FOXN3: variants seen among roughly 807,000 people sequenced by gnomAD.
FOXN3 encodes the protein forkhead box N3.
A neutral mutation model predicts 38.4 loss-of-function variants in FOXN3; 7 were observed. That is an observed-to-expected ratio of 0.18 (90% CI 0.10 to 0.34). The LOEUF is 0.34. Among genes scored for constraint, FOXN3 ranks in the 10% least tolerant of loss-of-function variants. FOXN3 has a pLI of 1.00. For synonymous variants in FOXN3, 230 were observed against 242.2 expected, an observed-to-expected ratio of 0.95 and a Z score of 0.47; for missense variants, 456 against 613.4, an observed-to-expected ratio of 0.74 and a Z score of 2.71.
At chr14:89,286,912 C>G (rs1275028255) in intron 3 of FOXN3, among the ~76,000 whole-genome samples, 1 of 152,122 alleles carries the variant, frequency 6.6e-6, no homozygotes, top group Non-Finnish European at 1.5e-5. Flanking sequence ...TCCAAAGAAG[C>G]TTGAGTGTCC....
chr14:89,275,458 G>A (rs1596147111), intron 4 of FOXN3, among the ~76,000 whole-genome samples: 1 of 152,178 alleles, frequency 6.6e-6, no homozygotes, highest in East Asian at 1.9e-4. Context: ...GAAGCGCTAG[G>A]TATGCCACGT....
At chr14:89,416,093 T>C (rs1156719648) in intron 1 of FOXN3, among the ~76,000 whole-genome samples, 2 of 152,186 alleles carry the variant, frequency 1.3e-5, no homozygotes, top group Non-Finnish European at 2.9e-5. Flanking sequence ...AGTAGCGAGT[T>C]TGGGGGGCCG....
At chr14:89,496,331 C>G (rs1441585858) in intron 1 of FOXN3, among the ~76,000 whole-genome samples, 1 of 151,788 alleles carries the variant, frequency 6.6e-6, no homozygotes, top group Non-Finnish European at 1.5e-5. Context: ...AAATCCTCCT[C>G]TTTGACCTCA....
At chr14:89,579,818 T>C (rs995502376) in intron 1 of FOXN3, among the ~76,000 whole-genome samples, 3 of 152,230 alleles carry the variant, frequency 2.0e-5, no homozygotes, top group Non-Finnish European at 2.9e-5. Context: ...GTATCTTGTA[T>C]ATTTACTTGT....
At chr14:89,328,632 G>C (rs2139982962) in intron 3 of FOXN3, among the ~76,000 whole-genome samples, 1 of 152,328 alleles carries the variant, frequency 6.6e-6, no homozygotes, top group South Asian at 2.1e-4. Context: ...TAGGAGAAGA[G>C]ACATTCCCAC....
intron 3 of FOXN3, among the ~76,000 whole-genome samples, chr14:89,314,925 A>T (rs1173111598): frequency 6.6e-6 from 1 of 152,302 alleles, no homozygotes; most frequent in East Asian, 1.9e-4. Context: ...AACTCAGCCT[A>T]AAAGAATGGA....
At chr14:89,517,516 G>C (rs1050793303) in intron 1 of FOXN3, among the ~76,000 whole-genome samples, 1 of 152,154 alleles carries the variant, frequency 6.6e-6, no homozygotes, top group African/African-American at 2.4e-5. Flanking sequence ...GAGGAAGAAA[G>C]GGAGGGAAGG....
At chr14:89,489,524 A>T (rs1020780963) in intron 1 of FOXN3, among the ~76,000 whole-genome samples, 1 of 152,190 alleles carries the variant, frequency 6.6e-6, no homozygotes, top group Non-Finnish European at 1.5e-5. Context: ...ACTTGTAATT[A>T]AAAAATTTTT....
Position 89,412,438 on chromosome 14 carries a change from G to A in FOXN3, c.39C>T (p.Ser13=). The change falls in exon 2 of 6, where the codon AGC becomes AGT. Residue 13 remains serine, a synonymous_variant. Coordinates refer to ENST00000557258, the MANE Select transcript of FOXN3 (RefSeq NM_005197.4). The surrounding 1 kb of genome is among the most constrained non-coding windows in gnomAD (Gnocchi z 4.7). The part of the protein sequence containing the change: ...PVMPPSKKPE[S]SGISVSSGLS... ...GTCCACTGGAGACACTAATTCCTGA[G>A]CTTTCTGGCTTCTTACTGGGAGGCA... 6.2e-7 allele frequency: 1 copy of A among 1,610,744 alleles called. No individual in the cohort carries two copies. The highest frequency in any genetic ancestry group is 1.1e-5 in the South Asian group (1 of 91,024).
chr14:89,438,558 T>C (rs1566656538), intron 1 of FOXN3, among the ~76,000 whole-genome samples: 1 of 152,194 alleles, frequency 6.6e-6, no homozygotes, highest in Non-Finnish European at 1.5e-5. Context: ...ATCATTGTCA[T>C]ATGAAGAAAT....
chr14:89,265,641 A>G (rs1296911853), intron 4 of FOXN3, among the ~76,000 whole-genome samples: 1 of 152,230 alleles, frequency 6.6e-6, no homozygotes, highest in Non-Finnish European at 1.5e-5. Flanking sequence ...TGTCCATTAT[A>G]GCAGCACGTC....
chr14:89,249,576 G>C (rs893859707), intron 4 of FOXN3, among the ~76,000 whole-genome samples: 7 of 152,194 alleles, frequency 4.6e-5, no homozygotes, highest in Non-Finnish European at 1.0e-4. Context: ...CAGCCATCCT[G>C]CAAGTGGGAT....
intron 5 of FOXN3, among the ~76,000 whole-genome samples, chr14:89,174,549 T>C (rs1000460578): frequency 1.3e-5 from 2 of 152,176 alleles, no homozygotes; most frequent in Admixed American, 6.5e-5. Flanking sequence ...TCCAGAATCA[T>C]TGGGAGTTTG....
intron 4 of FOXN3, among the ~76,000 whole-genome samples, chr14:89,192,082 A>C (rs891181355): frequency 3.4e-5 from 5 of 146,878 alleles, no homozygotes; most frequent in African/African-American, 1.2e-4. Context: ...GCTATTATAT[A>C]TAATAGTATA....
At chr14:89,337,955 C>T (rs943210712) in intron 3 of FOXN3, among the ~76,000 whole-genome samples, 1 of 152,068 alleles carries the variant, frequency 6.6e-6, no homozygotes, top group Non-Finnish European at 1.5e-5. Flanking sequence ...ACAGCAGCTG[C>T]AAAAAAGTTT....
intron 4 of FOXN3, among the ~76,000 whole-genome samples, chr14:89,193,216 G>A (rs17125478): frequency 0.046 from 7,027 of 152,080 alleles, 324 homozygotes; most frequent in African/African-American, 0.12. Context: ...AGTTTTTCTC[G>A]GTGGCCAGGA....
intron 5 of FOXN3, 83 bp downstream of exon 5, chr14:89,180,618 C>CT (rs1199747287): frequency 2.1e-5 from 21 of 992,370 alleles, no homozygotes; most frequent in East Asian, 8.5e-5. Flanking sequence ...CAGCTCCTCT[C>CT]TGTCTCCAGA....
chr14:89,480,403 CAAA>C (rs11306346), intron 1 of FOXN3, among the ~76,000 whole-genome samples: 1 of 144,832 alleles, frequency 6.9e-6, no homozygotes. Context: ...AACTCTATCT[CAAA>C]AAAAAAAAAA....
intron 4 of FOXN3, among the ~76,000 whole-genome samples, chr14:89,250,477 G>C (rs1885421934): frequency 6.6e-6 from 1 of 152,206 alleles, no homozygotes; most frequent in Non-Finnish European, 1.5e-5. Context: ...TCATGTGATA[G>C]CAATGGAACA....
Sources: allele counts gnomAD v4.1 joint callset (sites outside exome capture counted in the v4.1 genomes callset), GRCh38; gene constraint gnomAD v4.1.1; non-coding constraint Gnocchi (gnomAD v3.1); transcripts MANE v1.5; gene names NCBI Gene and HGNC (gene_info 2026-07-23, HGNC 2026-07-21).